The following IQCM variants were observed in gnomAD, a reference collection of about 807,000 sequenced individuals.
The protein encoded by IQCM is IQ motif containing M, also known as IQ domain-containing protein M.
Under a neutral mutation model 57.6 loss-of-function variants are expected in IQCM, and 45 were observed. The ratio of observed to expected loss-of-function variants is 0.78; its 90% CI spans 0.62 to 1.00. The LOEUF is 1.00. Ranked by LOEUF, IQCM falls within the 50% of genes least tolerant of loss-of-function variation. The pLI is 0.00. For synonymous variants in IQCM, 148 were observed against 158.9 expected (o/e 0.93, Z 0.51); for missense variants, 468 against 511.6 (o/e 0.91, Z 0.82).
intron 9 of IQCM, among the ~76,000 whole-genome samples, chr4:149,575,277 C>T (rs1445466664): frequency 3.3e-5 from 5 of 151,906 alleles, no homozygotes; most frequent in Admixed American, 6.6e-5. Context: ...GCATTAAATT[C>T]AGCATGGGTG....
At chr4:149,542,610 A>C (rs1032730015) in intron 12 of IQCM, among the ~76,000 whole-genome samples, 36 of 152,098 alleles carry the variant, frequency 2.4e-4, no homozygotes, top group African/African-American at 7.0e-4. Context: ...CATTATGATA[A>C]TCGAAAGGGA....
chr4:149,424,406 A>C (rs1472830271), intron 13 of IQCM, among the ~76,000 whole-genome samples: 1 of 141,620 alleles, frequency 7.1e-6, no homozygotes, highest in African/African-American at 2.4e-5. Flanking sequence ...AAATTGAGGA[A>C]TATGGCATAA....
At chr4:149,490,402 C>T (rs757913576) in intron 12 of IQCM, among the ~76,000 whole-genome samples, 1 of 151,918 alleles carries the variant, frequency 6.6e-6, no homozygotes, top group Non-Finnish European at 1.5e-5. Context: ...TCTTGTATCT[C>T]AAATATAGTT....
chr4:149,771,375 G>A (rs996896609), intron 2 of IQCM, among the ~76,000 whole-genome samples: 10 of 151,868 alleles, frequency 6.6e-5, no homozygotes, highest in African/African-American at 2.4e-4. Context: ...AGACAAAGAC[G>A]GCCTTAAAAT....
At chr4:149,658,219 G>C (rs1759808569) in intron 7 of IQCM, among the ~76,000 whole-genome samples, 1 of 151,548 alleles carries the variant, frequency 6.6e-6, no homozygotes, top group East Asian at 1.9e-4. Flanking sequence ...TTTTCATGTA[G>C]ATATCCAATT....
chr4:149,515,751 A>G (rs561179717), intron 12 of IQCM, among the ~76,000 whole-genome samples: 1 of 152,300 alleles, frequency 6.6e-6, no homozygotes, highest in South Asian at 2.1e-4. Context: ...ATACTGATTC[A>G]CGGGCTGTAG....
chr4:149,395,708 G>A (rs1732173995), intron 13 of IQCM, among the ~76,000 whole-genome samples: 1 of 151,926 alleles, frequency 6.6e-6, no homozygotes, highest in Admixed American at 6.6e-5. Context: ...TTTCTATCAG[G>A]AGACAGGAAC....
At chr4:149,675,051 A>G (rs753534450) in intron 7 of IQCM, among the ~76,000 whole-genome samples, 2 of 152,036 alleles carry the variant, frequency 1.3e-5, no homozygotes, top group Non-Finnish European at 2.9e-5. Flanking sequence ...GACCATAACT[A>G]TTGGAGAATG....
chr4:149,442,231 C>CAGCCATAT (rs1415826590), intron 12 of IQCM, among the ~76,000 whole-genome samples: 1 of 152,002 alleles, frequency 6.6e-6, no homozygotes, highest in African/African-American at 2.4e-5. Flanking sequence ...AAAGGTTGTC[C>CAGCCATAT]AGCCATATCT....
intron 12 of IQCM, among the ~76,000 whole-genome samples, chr4:149,522,253 T>C (rs1417304198): frequency 1.3e-5 from 2 of 152,084 alleles, no homozygotes; most frequent in East Asian, 1.9e-4. Flanking sequence ...CCCACCACTA[T>C]CCAGATTGCC....
chr4:149,761,755 A>G (rs1380204873), intron 2 of IQCM, among the ~76,000 whole-genome samples: 3 of 152,116 alleles, frequency 2.0e-5, no homozygotes, highest in African/African-American at 7.2e-5. Flanking sequence ...TGATATAGCA[A>G]TAAATTGCAG....
intron 3 of IQCM, among the ~76,000 whole-genome samples, chr4:149,741,269 A>G (rs1392987765): frequency 6.6e-6 from 1 of 152,158 alleles, no homozygotes; most frequent in African/African-American, 2.4e-5. Flanking sequence ...CTTCTTTAAC[A>G]AAGTATCCTG....
At position 149,789,564 on chromosome 4, in the gene IQCM, C is replaced by T. The variant is rs115110191; in HGVS notation, c.-49+25747G>A. ...GCCAGGTGCAGTGGCTCATGTCTGT[C>T]ATCCAAGCACTTTGGAAGGCCAAGG... On this transcript the variant is annotated intron_variant, in intron 2 of 13. Transcript: ENST00000636793. 1.6e-3 allele frequency among the ~76,000 whole-genome samples: 238 copies of T among 152,256 alleles called. 1 individual carries two copies. The highest frequency in any genetic ancestry group is 6.8e-3 in the Middle Eastern group (2 of 294).
chr4:149,429,097 C>T (rs1734647000), intron 13 of IQCM, among the ~76,000 whole-genome samples: 1 of 151,688 alleles, frequency 6.6e-6, no homozygotes, highest in Non-Finnish European at 1.5e-5. Flanking sequence ...ATTAGAATTC[C>T]AAGAATTATA....
At chr4:149,774,854 G>A (rs1227472518) in intron 2 of IQCM, among the ~76,000 whole-genome samples, 7 of 150,892 alleles carry the variant, frequency 4.6e-5, no homozygotes, top group Non-Finnish European at 1.0e-4. Flanking sequence ...ATATAAAAGA[G>A]AAGATAGAAA....
chr4:149,639,960 A>T (rs1758049640), intron 7 of IQCM, among the ~76,000 whole-genome samples: 1 of 152,168 alleles, frequency 6.6e-6, no homozygotes. Flanking sequence ...AATAAATGAG[A>T]GCATTTCAAA....
At chr4:149,531,580 G>T (rs867750598) in intron 12 of IQCM, among the ~76,000 whole-genome samples, 2 of 151,884 alleles carry the variant, frequency 1.3e-5, no homozygotes, top group Admixed American at 1.3e-4. Flanking sequence ...ATACAAAAAG[G>T]CATAAGATAA....
chr4:149,676,200 G>C (rs994292772), intron 7 of IQCM, among the ~76,000 whole-genome samples: 3 of 151,990 alleles, frequency 2.0e-5, no homozygotes, highest in Admixed American at 6.6e-5. Context: ...CAGGATAACA[G>C]TGACAATAGC....
intron 13 of IQCM, among the ~76,000 whole-genome samples, chr4:149,392,353 G>A (rs1032248538): frequency 2.0e-5 from 3 of 151,894 alleles, no homozygotes; most frequent in Non-Finnish European, 4.4e-5. Flanking sequence ...GCTAGCCAGT[G>A]GTGATTTGTT....
Sources: allele counts gnomAD v4.1 joint callset (sites outside exome capture counted in the v4.1 genomes callset), GRCh38; gene constraint gnomAD v4.1.1; transcripts MANE v1.5; gene names NCBI Gene and HGNC (gene_info 2026-07-23, HGNC 2026-07-21).